The following CEP128 variants were observed in gnomAD, a reference collection of about 807,000 sequenced individuals.
CEP128 encodes centrosomal protein 128kDa.
A neutral mutation model predicts 156.7 loss-of-function variants in CEP128; 132 were observed. The observed-to-expected ratio is 0.84, with a 90% CI of 0.73 to 0.97. CEP128 has a LOEUF of 0.97. CEP128 is among the 50% of genes least tolerant of loss of function. The pLI is 0.00. For missense variants in CEP128, 1,252 were observed against 1,281.9 expected (o/e 0.98, Z 0.36); for synonymous variants, 469 against 448.9 (o/e 1.04, Z -0.57).
In CEP128 at chr14:80,683,474, C is replaced by A. The variant is rs1370161550; in HGVS notation, c.2806+59601G>T. ...CATTGAAGCATCAAGATTAATAAAA[C>A]AAATATTTCTAGACCTAAGAAAAGA... On this transcript the variant is annotated intron_variant, in intron 19 of 24. Coordinates refer to ENST00000555265, the MANE Select transcript of CEP128 (RefSeq NM_152446.5). Among the ~76,000 whole-genome samples the A allele has an allele frequency of 3.3e-5, 5 of 152,188 alleles. No homozygotes were observed. In the East Asian group the frequency reaches 9.7e-4, roughly 29 times the overall value.
intron 19 of CEP128, among the ~76,000 whole-genome samples, chr14:80,712,928 C>T (rs987436190): frequency 6.6e-6 from 1 of 152,144 alleles, no homozygotes; most frequent in Non-Finnish European, 1.5e-5. Context: ...AGCCAACTAA[C>T]TCTAATCTGT....
intron 20 of CEP128, 93 bp downstream of exon 20, chr14:80,580,281 C>A: frequency 1.3e-6 from 1 of 770,206 alleles, no homozygotes; most frequent in Non-Finnish European, 2.2e-6. Flanking sequence ...ACCCTATTTG[C>A]TATACCAGTG....
chr14:80,697,966 A>G (rs74064526), intron 19 of CEP128, among the ~76,000 whole-genome samples: 10,528 of 151,922 alleles, frequency 0.069, 1,198 homozygotes, highest in African/African-American at 0.24. Context: ...TTCTTTCAGA[A>G]ATTTTTCTTT....
intron 16 of CEP128, among the ~76,000 whole-genome samples, chr14:80,762,033 T>C (rs1472827588): frequency 2.6e-5 from 4 of 152,098 alleles, no homozygotes; most frequent in Non-Finnish European, 2.9e-5. Context: ...GTTTCTTCAT[T>C]TGAGGAAAAA....
rs187416188 is a variant in CEP128, at chr14:80,883,642, A to G, written c.645+12076T>C. Among the ~76,000 whole-genome samples the G allele has an allele frequency of 1.2e-3, 182 of 152,346 alleles. 2 individuals carry two copies. Among genetic ancestry groups the G allele is most frequent in the African/African-American group, 4.2e-3 (173 of 41,588 alleles). ...CTATGTTAATAGACTAGAAGAATCA[A>G]TATTGTTAAAATGTCCATACTACCC... On this transcript the variant is annotated intron_variant, in intron 8 of 24. Transcript: ENST00000555265.
intron 19 of CEP128, among the ~76,000 whole-genome samples, chr14:80,689,932 A>G (rs1032534662): frequency 5.3e-5 from 8 of 152,288 alleles, no homozygotes; most frequent in African/African-American, 1.7e-4. Flanking sequence ...AACTTGAGAA[A>G]AGGACAATAG....
chr14:80,913,668 GAAGGGACGCA>G (rs1884377637), intron 4 of CEP128, among the ~76,000 whole-genome samples: 5 of 152,106 alleles, frequency 3.3e-5, no homozygotes, highest in African/African-American at 9.6e-5. Context: ...TGGAGACTCA[GAAGGGACGCA>G]AAGGTATACA....
intron 8 of CEP128, among the ~76,000 whole-genome samples, chr14:80,883,165 T>A (rs1566691020): frequency 6.6e-6 from 1 of 152,064 alleles, no homozygotes; most frequent in East Asian, 1.9e-4. Context: ...TACCTGTAAG[T>A]ATATACATGC....
chr14:80,492,447 C>T (rs376281989), downstream of CEP128, among the ~76,000 whole-genome samples: 87 of 152,258 alleles, frequency 5.7e-4, no homozygotes, highest in Middle Eastern at 3.4e-3. Flanking sequence ...CAAGTGAGCA[C>T]GACTCTAGCC....
intron 19 of CEP128, among the ~76,000 whole-genome samples, chr14:80,704,756 C>T (rs2139378956): frequency 6.7e-6 from 1 of 148,472 alleles, no homozygotes; most frequent in African/African-American, 2.4e-5. Context: ...TTCCTTCAGC[C>T]CTTTCCTCCT....
chr14:80,769,237 CTT>C (rs58466818), intron 16 of CEP128, among the ~76,000 whole-genome samples: 2 of 137,530 alleles, frequency 1.5e-5, no homozygotes, highest in African/African-American at 5.2e-5. Flanking sequence ...ATTTCTTCCT[CTT>C]TTTTTTTTTC....
rs376186824 is a variant in CEP128, at chr14:80,784,878, T to C, written c.2211+17A>G. 582 of 1,575,400 alleles carry C rather than the reference T, an allele frequency of 3.7e-4. 1 individual carries two copies. Among genetic ancestry groups the C allele is most frequent in the Non-Finnish European group, 4.5e-4 (527 of 1,161,904 alleles). On this transcript the variant is annotated intron_variant, in intron 15 of 24. Coordinates refer to ENST00000555265, the MANE Select transcript of CEP128 (RefSeq NM_152446.5). ...AAAAATTCCTTCAGTATCATCAGGATAATTTAGCAGAGGTACCTTCAGAGT... is the reference window on the plus strand; with the variant it reads ...AAAAATTCCTTCAGTATCATCAGGACAATTTAGCAGAGGTACCTTCAGAGT...
chr14:80,505,848 C>G (rs1887947752), intron 23 of CEP128, among the ~76,000 whole-genome samples: 1 of 152,130 alleles, frequency 6.6e-6, no homozygotes, highest in African/African-American at 2.4e-5. Flanking sequence ...TTCACTCATT[C>G]ATTCATTCAT....
intron 19 of CEP128, among the ~76,000 whole-genome samples, chr14:80,633,295 A>G (rs1894042094): frequency 6.6e-6 from 1 of 152,180 alleles, no homozygotes; most frequent in Admixed American, 6.5e-5. Context: ...TTTCCTCAAG[A>G]GAGATAATAT....
chr14:80,823,494 G>A (rs947857929), intron 13 of CEP128, among the ~76,000 whole-genome samples: 4 of 152,186 alleles, frequency 2.6e-5, no homozygotes, highest in African/African-American at 9.7e-5. Flanking sequence ...ACTGAAGAAG[G>A]GAATTTGAAA....
intron 21 of CEP128, among the ~76,000 whole-genome samples, chr14:80,551,876 G>A (rs1427338239): frequency 6.6e-6 from 1 of 152,092 alleles, no homozygotes; most frequent in African/African-American, 2.4e-5. Context: ...CAACTAAGAA[G>A]GACAAGAAGC....
intron 19 of CEP128, among the ~76,000 whole-genome samples, chr14:80,685,122 A>G (rs962272566): frequency 2.0e-4 from 31 of 152,144 alleles, no homozygotes. Flanking sequence ...AGAAGGAAAG[A>G]AAAACCAACC....
At chr14:80,517,884 G>C (rs565897475) in intron 23 of CEP128, among the ~76,000 whole-genome samples, 1 of 152,032 alleles carries the variant, frequency 6.6e-6, no homozygotes, top group Non-Finnish European at 1.5e-5. Context: ...ATCCTGACTG[G>C]GAGTGGCAAT....
chr14:80,955,842 G>A (rs2139670172), intron 2 of CEP128: 3 of 1,614,188 alleles, frequency 1.9e-6, no homozygotes, highest in Non-Finnish European at 2.5e-6. Flanking sequence ...CGCCCAGTAC[G>A]CAGACTCTGT....
Sources: gnomAD v4.1 joint callset for allele counts (sites outside exome capture counted in the v4.1 genomes callset) on GRCh38, gnomAD v4.1.1 for gene constraint, MANE v1.5 for transcripts, NCBI Gene and HGNC (gene_info 2026-07-23, HGNC 2026-07-21) for gene names.